Variants in CHSY3 observed in about 807,000 individuals in gnomAD.
The protein encoded by CHSY3 is chondroitin sulfate synthase 3.
In CHSY3, 35 loss-of-function variants were observed where a neutral mutation model predicts 67.2. The observed-to-expected ratio is 0.52, with a 90% CI of 0.40 to 0.69. The LOEUF (loss-of-function observed/expected upper bound fraction) is 0.69. Among genes scored for constraint, CHSY3 ranks in the 30% least tolerant of loss-of-function variants. The pLI is 0.00. For missense variants in CHSY3, 1,069 were observed against 1,138.5 expected, an observed-to-expected ratio of 0.94 and a Z score of 0.88; for synonymous variants, 474 against 434.7, an observed-to-expected ratio of 1.09 and a Z score of -1.12.
intron 2 of CHSY3, among the ~76,000 whole-genome samples, chr5:129,951,412 A>G (rs1456612490): frequency 2.0e-5 from 3 of 152,244 alleles, no homozygotes; most frequent in Non-Finnish European, 4.4e-5. Flanking sequence ...ATCAAGTGAA[A>G]CTGATTTTGT....
At chr5:129,986,596 A>G (rs1345733265) in intron 2 of CHSY3, among the ~76,000 whole-genome samples, 1 of 152,142 alleles carries the variant, frequency 6.6e-6, no homozygotes, top group Non-Finnish European at 1.5e-5. Context: ...TGATTAGTTT[A>G]TTAACATTTT....
chr5:130,028,222 A>G (rs1764606765), intron 2 of CHSY3, among the ~76,000 whole-genome samples: 1 of 152,180 alleles, frequency 6.6e-6, no homozygotes, highest in South Asian at 2.1e-4. Flanking sequence ...ATCCTAAGCC[A>G]AAAGAACAAA....
At chr5:130,178,296 C>G (rs1463054562) in intron 2 of CHSY3, among the ~76,000 whole-genome samples, 1 of 131,316 alleles carries the variant, frequency 7.6e-6, no homozygotes, top group Non-Finnish European at 1.6e-5. Flanking sequence ...CACTCTGTCA[C>G]CCAGGCTGGA....
intron 2 of CHSY3, among the ~76,000 whole-genome samples, chr5:130,050,783 A>G (rs958565480): frequency 3.9e-5 from 6 of 152,128 alleles, no homozygotes; most frequent in Admixed American, 6.6e-5. Flanking sequence ...CATATGAGTC[A>G]GCTAGACTCA....
chr5:130,117,560 G>T (rs1393609245), intron 2 of CHSY3, among the ~76,000 whole-genome samples: 2 of 151,792 alleles, frequency 1.3e-5, no homozygotes, highest in Non-Finnish European at 2.9e-5. Flanking sequence ...TGTTTCCCTG[G>T]TTTTTTTGTT....
At position 129,980,827 on chromosome 5, in the gene CHSY3, T is replaced by G. The variant is rs138117234; in HGVS notation, c.1086+72467T>G. ...TAAGGTCTGTGTCTAGATCCATGTTTTCGTATGTGGATGTCCAGTTTTCTA... is the reference window on the plus strand; with the variant it reads ...TAAGGTCTGTGTCTAGATCCATGTTGTCGTATGTGGATGTCCAGTTTTCTA... On this transcript the variant is annotated intron_variant, in intron 2 of 2. Coordinates refer to ENST00000305031, the MANE Select transcript of CHSY3 (RefSeq NM_175856.5). 1.2e-4 allele frequency among the ~76,000 whole-genome samples: 19 copies of G among 152,226 alleles called. No individual in the cohort carries two copies. The East Asian group carries it at 3.7e-3, about 29-fold the overall frequency.
intron 2 of CHSY3, among the ~76,000 whole-genome samples, chr5:129,958,824 G>A (rs146512325): frequency 6.6e-6 from 1 of 152,266 alleles, no homozygotes; most frequent in Admixed American, 6.5e-5. Context: ...TAGCCAGTGT[G>A]CCTGGCAGAT....
intron 2 of CHSY3, among the ~76,000 whole-genome samples, chr5:130,048,436 T>C (rs1283643477): frequency 6.6e-6 from 1 of 152,084 alleles, no homozygotes; most frequent in African/African-American, 2.4e-5. Context: ...GTGTATACCT[T>C]TGGAAAATAT....
chr5:130,148,361 T>C (rs1447413599), intron 2 of CHSY3, among the ~76,000 whole-genome samples: 1 of 152,214 alleles, frequency 6.6e-6, no homozygotes, highest in Non-Finnish European at 1.5e-5. Context: ...AGTGAACACA[T>C]GCATGTGTCT....
At chr5:129,925,891 ATG>A (rs76130924) in intron 2 of CHSY3, among the ~76,000 whole-genome samples, 73,873 of 151,586 alleles carry the variant, frequency 0.49, 18,766 homozygotes, top group Middle Eastern at 0.59. Context: ...GTGTGTATAT[ATG>A]TGTGTGTGCA....
At chr5:130,023,521 G>A (rs1764450965) in intron 2 of CHSY3, among the ~76,000 whole-genome samples, 1 of 152,004 alleles carries the variant, frequency 6.6e-6, no homozygotes, top group Non-Finnish European at 1.5e-5. Context: ...TGAAGGGTGA[G>A]TTTCATCAGC....
intron 2 of CHSY3, among the ~76,000 whole-genome samples, chr5:129,972,305 A>T (rs539798549): frequency 6.6e-6 from 1 of 152,138 alleles, no homozygotes; most frequent in Admixed American, 6.6e-5. Context: ...AAAAATCATG[A>T]GTGAGAAGGG....
At chr5:130,011,305 A>G (rs1017610385) in intron 2 of CHSY3, among the ~76,000 whole-genome samples, 2 of 151,978 alleles carry the variant, frequency 1.3e-5, no homozygotes, top group Admixed American at 6.6e-5. Flanking sequence ...TGTGAGATGC[A>G]TGGTTAGTTG....
intron 2 of CHSY3, among the ~76,000 whole-genome samples, chr5:130,125,051 G>C (rs1202535049): frequency 6.6e-6 from 1 of 152,114 alleles, no homozygotes; most frequent in Non-Finnish European, 1.5e-5. Flanking sequence ...GAGGCCGATG[G>C]GGGAGAATTG....
At chr5:129,921,341 G>T (rs1428294040) in intron 2 of CHSY3, among the ~76,000 whole-genome samples, 2 of 152,080 alleles carry the variant, frequency 1.3e-5, no homozygotes, top group Non-Finnish European at 2.9e-5. Flanking sequence ...TCTGAGAATC[G>T]AGGTGGCTAC....
chr5:130,124,353 A>C (rs974552866), intron 2 of CHSY3, among the ~76,000 whole-genome samples: 2 of 150,340 alleles, frequency 1.3e-5, no homozygotes, highest in African/African-American at 2.5e-5. Flanking sequence ...ATGAATCAAC[A>C]GTAGTTATTT....
intron 2 of CHSY3, among the ~76,000 whole-genome samples, chr5:130,081,349 AGGACTTGGG>A (rs1279937729): frequency 1.8e-5 from 2 of 113,874 alleles, no homozygotes; most frequent in Non-Finnish European, 3.6e-5. Flanking sequence ...GGGGTGCTGC[AGGACTTGGG>A]GGAGGGGAGG....
chr5:130,005,004 T>C (rs1241060818), intron 2 of CHSY3, among the ~76,000 whole-genome samples: 1 of 152,150 alleles, frequency 6.6e-6, no homozygotes, highest in Non-Finnish European at 1.5e-5. Flanking sequence ...TGCTTAAAAG[T>C]ATATCATTTG....
At chr5:130,118,154 C>G (rs1292895286) in intron 2 of CHSY3, among the ~76,000 whole-genome samples, 1 of 152,146 alleles carries the variant, frequency 6.6e-6, no homozygotes, top group Non-Finnish European at 1.5e-5. Context: ...CACCACACAT[C>G]TTGTACAGCA....
Sources: gnomAD v4.1 joint callset for allele counts (sites outside exome capture counted in the v4.1 genomes callset) on GRCh38, gnomAD v4.1.1 for gene constraint, MANE v1.5 for transcripts, NCBI Gene and HGNC (gene_info 2026-07-23, HGNC 2026-07-21) for gene names.